PMEPA1: variants seen among roughly 807,000 people sequenced by gnomAD.
The protein encoded by PMEPA1 is prostate transmembrane protein, androgen induced 1, also known as protein TMEPAI.
PMEPA1 carries 11 observed loss-of-function variants against 23.0 expected under a neutral mutation model. The observed-to-expected ratio is 0.48, with a 90% CI of 0.30 to 0.79. The LOEUF (loss-of-function observed/expected upper bound fraction) is 0.79, where lower values mean the gene tolerates loss of function less well. Among genes scored for constraint, PMEPA1 ranks in the 30% least tolerant of loss-of-function variants. PMEPA1 has a pLI of 0.06. For missense variants in PMEPA1, 377 were observed against 390.9 expected (o/e 0.96, Z 0.30); for synonymous variants, 204 against 166.4 (o/e 1.23, Z -1.74).
Position 57,652,915 on chromosome 20 carries a change from G to C in PMEPA1, c.318+118C>G, listed in dbSNP as rs2071273175. 3.5e-6 allele frequency: 3 copies of C among 859,444 alleles called. No individual in the cohort carries two copies. Among genetic ancestry groups the C allele is most frequent in the Non-Finnish European group, 3.8e-6 (2 of 525,538 alleles). The allele number at this position is 859,444 out of a possible 1,614,324, so 53.2% of individuals were successfully genotyped here. On this transcript the variant is annotated intron_variant, in intron 3 of 3. Coordinates refer to ENST00000341744, the MANE Select transcript of PMEPA1 (RefSeq NM_020182.5). The surrounding 1 kb of genome is among the most constrained non-coding windows in gnomAD (Gnocchi z 6.1). ...CCGGCAAGGAGGATCCCAGCAGCAAGGGCACTGCAGAGGAGGGCGGAGGGG... is the reference window on the plus strand; with the variant it reads ...CCGGCAAGGAGGATCCCAGCAGCAACGGCACTGCAGAGGAGGGCGGAGGGG...
rs866204339 is a variant in PMEPA1, at chr20:57,701,438, C to T, written c.109+8036G>A. ...AGCAAGCTCTGGCAATGCGTTTTTG[C>T]CATTTGATGGCCTTTGGAGGACTAA... On this transcript the variant is annotated intron_variant, in intron 1 of 3. Coordinates refer to ENST00000341744, the MANE Select transcript of PMEPA1 (RefSeq NM_020182.5). Among the ~76,000 whole-genome samples, 11 of 152,300 alleles carry T rather than the reference C, an allele frequency of 7.2e-5. No homozygotes were observed. The South Asian group carries it at 1.9e-3, about 26-fold the overall frequency.
In PMEPA1 at chr20:57,682,623, G is replaced by A. The variant is rs1173991411; in HGVS notation, c.110-22926C>T. 1.3e-5 allele frequency among the ~76,000 whole-genome samples: 2 copies of A among 151,626 alleles called. No homozygotes were observed. Among genetic ancestry groups the A allele is most frequent in the South Asian group, 4.2e-4 (2 of 4,816 alleles). ...CGAGAAGGAGAGGCACAGCTGCGTC[G>A]CTGGCTGTGACCCACACTCCTCCAG... On this transcript the variant is annotated intron_variant, in intron 1 of 3. Transcript: ENST00000341744. The surrounding 1 kb of genome is among the most constrained non-coding windows in gnomAD (Gnocchi z 4.4).
chr20:57,665,558 G>T (rs2071480929), intron 1 of PMEPA1, among the ~76,000 whole-genome samples: 1 of 151,370 alleles, frequency 6.6e-6, no homozygotes, highest in Non-Finnish European at 1.5e-5. Flanking sequence ...AATAATGGAT[G>T]CGAGAGCTCA....
Position 57,701,116 on chromosome 20 carries a change from C to T in PMEPA1, c.109+8358G>A, listed in dbSNP as rs558506408. Reference sequence around the variant, plus strand: ...CTATAGTTCGAATCTTTCTGACATCCTTATTAGTTTATGGCAGGCACTGAT... The same window carrying T: ...CTATAGTTCGAATCTTTCTGACATCTTTATTAGTTTATGGCAGGCACTGAT... On this transcript the variant is annotated intron_variant, in intron 1 of 3. Coordinates refer to ENST00000341744, the MANE Select transcript of PMEPA1 (RefSeq NM_020182.5). Among the ~76,000 whole-genome samples, 44 of 152,108 alleles carry T rather than the reference C, an allele frequency of 2.9e-4. 1 individual carries two copies. In the South Asian group the frequency reaches 9.2e-3, roughly 32 times the overall value.
chr20:57,706,771 CA>C (rs2072095857), intron 1 of PMEPA1, among the ~76,000 whole-genome samples: 1 of 152,228 alleles, frequency 6.6e-6, no homozygotes, highest in Admixed American at 6.5e-5. Flanking sequence ...GGACCTCGGG[CA>C]AAACTTTCCA....
At chr20:57,691,492 T>C (rs2071881441) in intron 1 of PMEPA1, among the ~76,000 whole-genome samples, 1 of 152,146 alleles carries the variant, frequency 6.6e-6, no homozygotes, top group Admixed American at 6.5e-5. Flanking sequence ...GTCCAGGCTA[T>C]AGCAGCCCCA....
chr20:57,708,977 C>T (rs1003401354), intron 1 of PMEPA1, among the ~76,000 whole-genome samples: 2 of 152,008 alleles, frequency 1.3e-5, no homozygotes, highest in Non-Finnish European at 2.9e-5. Context: ...ACGCACACTC[C>T]ACAGACGCAC....
chr20:57,692,628 C>T (rs1251738040), intron 1 of PMEPA1, among the ~76,000 whole-genome samples: 1 of 152,240 alleles, frequency 6.6e-6, no homozygotes, highest in East Asian at 1.9e-4. Context: ...CTGAGGCTGC[C>T]AGATGCAGAG....
At chr20:57,689,192 G>A (rs972597509) in intron 1 of PMEPA1, among the ~76,000 whole-genome samples, 21 of 152,192 alleles carry the variant, frequency 1.4e-4, no homozygotes, top group Admixed American at 9.8e-4. Context: ...CTGGGCAGGC[G>A]GAGGGAGAAC....
chr20:57,679,727 A>C (rs958584106), intron 1 of PMEPA1, among the ~76,000 whole-genome samples: 1 of 152,238 alleles, frequency 6.6e-6, no homozygotes, highest in Non-Finnish European at 1.5e-5. Context: ...GGGGGTGGTC[A>C]CCTGGCACTG....
At chr20:57,694,440 C>G (rs1302914571) in intron 1 of PMEPA1, among the ~76,000 whole-genome samples, 1 of 152,230 alleles carries the variant, frequency 6.6e-6, no homozygotes, top group Non-Finnish European at 1.5e-5. Flanking sequence ...AACATACATT[C>G]ACATGAGTAC....
chr20:57,664,432 C>T (rs1354353736), intron 1 of PMEPA1, among the ~76,000 whole-genome samples: 1 of 152,254 alleles, frequency 6.6e-6, no homozygotes, highest in East Asian at 1.9e-4. Flanking sequence ...CAGCAAAGAC[C>T]CCTTGGGGGA....
At chr20:57,706,235 C>T (rs1285233192) in intron 1 of PMEPA1, among the ~76,000 whole-genome samples, 1 of 152,108 alleles carries the variant, frequency 6.6e-6, no homozygotes, top group Non-Finnish European at 1.5e-5. Flanking sequence ...TTCCCGAGAG[C>T]GAACTTAGCA....
intron 1 of PMEPA1, among the ~76,000 whole-genome samples, chr20:57,705,303 A>T (rs6025733): frequency 2.0e-5 from 3 of 152,196 alleles, no homozygotes; most frequent in African/African-American, 7.2e-5. Context: ...TGGGAAGCTG[A>T]GGCCAACTGT....
Position 57,653,036 on chromosome 20 carries a change from TG to T in PMEPA1, c.314del (p.Pro105GlnfsTer74). ...SESTVSGNGI[P>X]EPQVYAPPRP... Reference sequence around the variant, plus strand: ...GGGAGGCCGAGGGAGGTCTCACCTCTGGGATTCCGTTGCCTGACACTGTGCT... The same window carrying T: ...GGGAGGCCGAGGGAGGTCTCACCTCTGGATTCCGTTGCCTGACACTGTGCT... On this transcript the variant is annotated frameshift_variant, in exon 3 of 4. Transcript: ENST00000341744. LOFTEE classifies it high-confidence loss of function. 1 of 1,595,732 alleles carries T rather than the reference TG, an allele frequency of 6.3e-7. No homozygotes were observed. Among genetic ancestry groups the T allele is most frequent in the Non-Finnish European group, 8.5e-7 (1 of 1,170,984 alleles).
At chr20:57,658,017 G>C (rs1033690841) in intron 2 of PMEPA1, among the ~76,000 whole-genome samples, 2 of 152,234 alleles carry the variant, frequency 1.3e-5, no homozygotes, top group Non-Finnish European at 2.9e-5. Context: ...GTGCAGAGAT[G>C]GAAGCCATTA....
chr20:57,675,646 G>A (rs549985797), intron 1 of PMEPA1, among the ~76,000 whole-genome samples: 2 of 152,304 alleles, frequency 1.3e-5, no homozygotes, highest in South Asian at 2.1e-4. Context: ...ATGGATTGCC[G>A]GGCCCAGCGG....
Position 57,680,927 on chromosome 20 carries a change from G to A in PMEPA1, c.110-21230C>T, listed in dbSNP as rs111357636. 2.0e-3 allele frequency among the ~76,000 whole-genome samples: 307 copies of A among 152,340 alleles called. 2 individuals carry two copies. The highest frequency in any genetic ancestry group is 6.9e-3 in the African/African-American group (285 of 41,586). The stretch of plus-strand genomic sequence containing the variant: ...GGCGGAGAGCAGTCTGCGTGAGGAC[G>A]TAAGCACAGGTCCTTCTCTGGAGGC... On this transcript the variant is annotated intron_variant, in intron 1 of 3. Transcript: ENST00000341744.
At chr20:57,658,144 G>A (rs895688836) in intron 2 of PMEPA1, among the ~76,000 whole-genome samples, 2 of 152,188 alleles carry the variant, frequency 1.3e-5, no homozygotes, top group Admixed American at 1.3e-4. Flanking sequence ...AGTTCCCACC[G>A]ACCCAGATCT....
Sources: gnomAD v4.1 joint callset for allele counts (sites outside exome capture counted in the v4.1 genomes callset) on GRCh38, gnomAD v4.1.1 for gene constraint, Gnocchi (gnomAD v3.1) non-coding constraint, MANE v1.5 for transcripts, NCBI Gene and HGNC (gene_info 2026-07-23, HGNC 2026-07-21) for gene names.